COMMD9: variants seen among roughly 807,000 people sequenced by gnomAD.
The protein encoded by COMMD9 is COMM domain-containing protein 9.
Under a neutral mutation model 23.4 loss-of-function variants are expected in COMMD9, and 22 were observed. The observed-to-expected ratio is 0.94, with a 90% confidence interval of 0.67 to 1.34. The LOEUF (loss-of-function observed/expected upper bound fraction) is 1.34, where lower values mean the gene tolerates loss of function less well. COMMD9 is among the 40% of genes most tolerant of loss of function. The pLI is 0.00. For synonymous variants in COMMD9, 99 were observed against 97.4 expected (o/e 1.02, Z -0.10); for missense variants, 231 against 240.2 (o/e 0.96, Z 0.25).
intron 1 of COMMD9, among the ~76,000 whole-genome samples, chr11:36,287,136 CGCGTAGT>C (rs780452873): frequency 4.2e-4 from 24 of 57,082 alleles, no homozygotes; most frequent in East Asian, 1.0e-3. Flanking sequence ...CTATGTATAT[CGCGTAGT>C]ATGTATACTA....
At chr11:36,280,890 A>G in intron 1 of COMMD9, 53 bp from the exon 2 acceptor site, 2 of 1,488,024 alleles carry the variant, frequency 1.3e-6, no homozygotes, top group Non-Finnish European at 1.8e-6. Context: ...CTGAAAACAC[A>G]TGTTTTGAGT....
rs1160928870 is a variant in COMMD9, at chr11:36,274,368, G to T, written c.*264C>A. 1 of 664,258 alleles carries T rather than the reference G, an allele frequency of 1.5e-6. No homozygotes were observed. Among genetic ancestry groups the T allele is most frequent in the Non-Finnish European group, 2.8e-6 (1 of 361,210 alleles). The allele number at this position is 664,258 out of a possible 1,614,324, so 41.1% of individuals were successfully genotyped here. On this transcript the variant is annotated 3_prime_UTR_variant, in exon 6 of 6. Coordinates refer to ENST00000263401, the MANE Select transcript of COMMD9 (RefSeq NM_014186.4). ...AATGTTCCCTCACCCTGCCATGGTG[G>T]TAATTAAGTTGCACTCAGGAGCTTT...
At chr11:36,287,044 A>G (rs1197696143) in intron 1 of COMMD9, among the ~76,000 whole-genome samples, 1 of 151,416 alleles carries the variant, frequency 6.6e-6, no homozygotes, top group Non-Finnish European at 1.5e-5. Context: ...TAAGTATGCT[A>G]TATATGTATA....
intron 1 of COMMD9, among the ~76,000 whole-genome samples, chr11:36,281,762 C>A (rs1296473938): frequency 6.6e-6 from 1 of 152,124 alleles, no homozygotes; most frequent in Non-Finnish European, 1.5e-5. Flanking sequence ...GAAAATCATT[C>A]ATTAAACCAA....
intron 2 of COMMD9, among the ~76,000 whole-genome samples, chr11:36,279,577 T>C (rs1856031909): frequency 6.6e-6 from 1 of 152,214 alleles, no homozygotes; most frequent in African/African-American, 2.4e-5. Flanking sequence ...GGTGTTCTAC[T>C]TGGTTTCTTA....
At chr11:36,276,598 T>C (rs1007208135) in intron 4 of COMMD9, 4 of 229,520 alleles carry the variant, frequency 1.7e-5, no homozygotes, top group African/African-American at 4.4e-5. Context: ...GCTCTTGTTT[T>C]AGAGATAAAT....
chr11:36,286,806 C>G (rs1358312323), intron 1 of COMMD9, among the ~76,000 whole-genome samples: 1 of 152,124 alleles, frequency 6.6e-6, no homozygotes, highest in Non-Finnish European at 1.5e-5. Context: ...AAGTCAATCT[C>G]AGAAGGTTAC....
intron 4 of COMMD9, 170 bp downstream of exon 4, chr11:36,276,919 G>GA (rs1855981404): frequency 2.3e-6 from 1 of 435,798 alleles, no homozygotes; most frequent in African/African-American, 2.0e-5. Context: ...TTTATAATCA[G>GA]AAAAAAGTTA....
rs187976373 is a variant in COMMD9 at position 36,286,365 on chromosome 11, C to A, written c.51+2997G>T. ...AGGAGTTCAAGACCAGCCTGGCCAA[C>A]GTGGGGAAACCCTGTCTCTACTAAA... On this transcript the variant is annotated intron_variant, in intron 1 of 5. Transcript: ENST00000263401. Among the ~76,000 whole-genome samples, 14 of 123,562 alleles carry A rather than the reference C, an allele frequency of 1.1e-4. No homozygotes were observed. In the East Asian group the frequency reaches 3.3e-3, roughly 29 times the overall value. 81.1% of individuals were successfully genotyped at this position (123,562 alleles called of 152,430 possible).
At chr11:36,285,741 G>A (rs1315242303) in intron 1 of COMMD9, among the ~76,000 whole-genome samples, 2 of 151,982 alleles carry the variant, frequency 1.3e-5, no homozygotes, top group Non-Finnish European at 2.9e-5. Context: ...TGCAAGGCTG[G>A]TTCAGTATTT....
chr11:36,282,301 C>A (rs1856079632), intron 1 of COMMD9, among the ~76,000 whole-genome samples: 2 of 152,138 alleles, frequency 1.3e-5, no homozygotes, highest in African/African-American at 2.4e-5. Context: ...ATTTCAAGAA[C>A]CTGAGTGAAC....
intron 1 of COMMD9, among the ~76,000 whole-genome samples, chr11:36,285,981 C>A (rs1012286516): frequency 6.6e-6 from 1 of 152,142 alleles, no homozygotes; most frequent in Non-Finnish European, 1.5e-5. Context: ...GAGAACAAGG[C>A]AAGATATCTG....
chr11:36,289,316 C>T (rs370458200), intron 1 of COMMD9, 46 bp downstream of exon 1: 3 of 1,539,064 alleles, frequency 1.9e-6, no homozygotes, highest in South Asian at 1.2e-5. Flanking sequence ...TCTAAAGTCT[C>T]GGAGACAAAG....
chr11:36,288,464 G>A (rs1428917894), intron 1 of COMMD9, among the ~76,000 whole-genome samples: 1 of 151,978 alleles, frequency 6.6e-6, no homozygotes, highest in African/African-American at 2.4e-5. Flanking sequence ...CAAGTTCTAC[G>A]AAGGAAAATA....
At chr11:36,287,690 A>G (rs1462797207) in intron 1 of COMMD9, among the ~76,000 whole-genome samples, 3 of 152,118 alleles carry the variant, frequency 2.0e-5, no homozygotes, top group African/African-American at 4.8e-5. Context: ...ATGGTGAGCA[A>G]AAGAAGCCAG....
chr11:36,276,475 A>G (rs937623282), intron 4 of COMMD9: 3 of 461,480 alleles, frequency 6.5e-6, no homozygotes, highest in Non-Finnish European at 1.2e-5. Context: ...CCAGGCTTCT[A>G]CCTGAACACC....
At chr11:36,277,068 G>T in intron 4 of COMMD9, 21 bp downstream of exon 4, 1 of 1,595,884 alleles carries the variant, frequency 6.3e-7, no homozygotes, top group Non-Finnish European at 8.5e-7. Context: ...AGAAGGGAGG[G>T]GCAGATTTAT....
intron 1 of COMMD9, among the ~76,000 whole-genome samples, chr11:36,289,138 T>C (rs1206318803): frequency 6.6e-6 from 1 of 152,152 alleles, no homozygotes; most frequent in Non-Finnish European, 1.5e-5. Flanking sequence ...TGCGCCTTCA[T>C]GCCCATTATT....
intron 1 of COMMD9, among the ~76,000 whole-genome samples, chr11:36,281,891 C>A (rs561210504): frequency 1.3e-5 from 2 of 152,090 alleles, no homozygotes; most frequent in Non-Finnish European, 2.9e-5. Flanking sequence ...TATGCTTCAA[C>A]AAATAATTAT....
Sources: allele counts gnomAD v4.1 joint callset (sites outside exome capture counted in the v4.1 genomes callset), GRCh38; gene constraint gnomAD v4.1.1; transcripts MANE v1.5; gene names NCBI Gene and HGNC (gene_info 2026-07-23, HGNC 2026-07-21).